Variants in SLCO3A1 observed in about 807,000 individuals in gnomAD.
The protein encoded by SLCO3A1 is PGE1 transporter.
A neutral mutation model predicts 63.1 loss-of-function variants in SLCO3A1; 27 were observed. The ratio of observed to expected loss-of-function variants is 0.43; its 90% CI spans 0.32 to 0.59. The LOEUF (loss-of-function observed/expected upper bound fraction) is 0.59, where lower values mean the gene tolerates loss of function less well. Among genes scored for constraint, SLCO3A1 ranks in the 20% least tolerant of loss-of-function variants. The pLI, the probability that SLCO3A1 is intolerant of heterozygous loss-of-function variation, is 0.09. For synonymous variants in SLCO3A1, 473 were observed against 409.9 expected, an observed-to-expected ratio of 1.15 and a Z score of -1.86; for missense variants, 773 against 945.8, an observed-to-expected ratio of 0.82 and a Z score of 2.40.
At chr15:92,113,628 A>G (rs1221494441) in intron 4 of SLCO3A1, among the ~76,000 whole-genome samples, 3 of 152,110 alleles carry the variant, frequency 2.0e-5, no homozygotes, top group Non-Finnish European at 4.4e-5. Context: ...CCCAGGGCAG[A>G]GGTTAGGAGG....
intron 2 of SLCO3A1, among the ~76,000 whole-genome samples, chr15:92,013,408 G>C (rs1008311431): frequency 1.3e-5 from 2 of 152,184 alleles, no homozygotes; most frequent in African/African-American, 4.8e-5. Context: ...TGCTGTGTTG[G>C]CTGCCATGGT....
In SLCO3A1 at chr15:91,900,039, T is replaced by G. The variant is rs1162517604; in HGVS notation, c.181-15954T>G. On this transcript the variant is annotated intron_variant, in intron 1 of 9. Transcript: ENST00000318445. This position sits in a 1 kb window ranked among gnomAD's most constrained non-coding sequence, Gnocchi z 4.3. ...GTGTTATATTTTTGGTTATATCACA[T>G]TTTGTTTCTCTGTTAACCATTCATG... Among the ~76,000 whole-genome samples, 1 of 152,220 alleles carries G rather than the reference T, an allele frequency of 6.6e-6. No homozygotes were observed. The highest frequency in any genetic ancestry group is 2.4e-5 in the African/African-American group (1 of 41,458).
In SLCO3A1 at chr15:91,886,697, C is replaced by G. The variant is rs193061328; in HGVS notation, c.181-29296C>G. ...CTTTGCTTTCAAGACTTCACACTGA[C>G]TACATCAATCTGAATAATCGAGCTC... is the stretch of plus-strand genomic sequence containing the variant. On this transcript the variant is annotated intron_variant, in intron 1 of 9. Transcript: ENST00000318445. The surrounding 1 kb of genome is among the most constrained non-coding windows in gnomAD (Gnocchi z 4.9). Among the ~76,000 whole-genome samples the G allele has an allele frequency of 4.6e-3, 706 of 152,288 alleles. 8 individuals carry two copies. The highest frequency in any genetic ancestry group is 0.016 in the African/African-American group (673 of 41,548).
intron 7 of SLCO3A1, among the ~76,000 whole-genome samples, chr15:92,134,583 A>G (rs530503338): frequency 6.6e-6 from 1 of 152,342 alleles, no homozygotes; most frequent in South Asian, 2.1e-4. Flanking sequence ...ATCTAAATAT[A>G]TGCATATCTT....
Position 91,854,237 on chromosome 15 carries a change from G to A in SLCO3A1, c.180+149G>A. 1 of 1,107,696 alleles carries A rather than the reference G, an allele frequency of 9.0e-7. No individual in the cohort carries two copies. The highest frequency in any genetic ancestry group is 1.1e-6 in the Non-Finnish European group (1 of 880,396). 68.6% of individuals were successfully genotyped at this position (1,107,696 alleles called of 1,614,324 possible). A position where few individuals can be genotyped will look rare whatever the true frequency, so the allele number is the denominator to read the frequency against. On this transcript the variant is annotated intron_variant, in intron 1 of 9. Coordinates refer to ENST00000318445, the MANE Select transcript of SLCO3A1 (RefSeq NM_013272.4). This position sits in a 1 kb window ranked among gnomAD's most constrained non-coding sequence, Gnocchi z 6.4. ...GAGGTTGGCGAGTGGTGCAGAGGCG[G>A]CCGCCGGGGGAGCTGCCGGCCGGGG... is the stretch of plus-strand genomic sequence containing the variant.
rs944379896 is a variant in SLCO3A1, at chr15:92,094,801, T to G, written c.647-80T>G. On this transcript the variant is annotated intron_variant, in intron 2 of 9. Transcript: ENST00000318445. ...GTCATCTCATCTCATCAATGTAAAATAATCTCCTTGACCTTTGGTGATTTT... is the reference window on the plus strand; with the variant it reads ...GTCATCTCATCTCATCAATGTAAAAGAATCTCCTTGACCTTTGGTGATTTT... The G allele has an allele frequency of 8.7e-5, 76 of 877,106 alleles. No individual in the cohort carries two copies. The Middle Eastern group carries it at 1.3e-3, about 15-fold the overall frequency. 54.3% of individuals were successfully genotyped at this position (877,106 alleles called of 1,614,324 possible).
At chr15:91,881,180 A>G (rs970731523) in intron 1 of SLCO3A1, among the ~76,000 whole-genome samples, 4 of 152,130 alleles carry the variant, frequency 2.6e-5, no homozygotes, top group African/African-American at 7.2e-5. Flanking sequence ...GGTCCCTCCA[A>G]CCCTTTTGGG....
intron 1 of SLCO3A1, among the ~76,000 whole-genome samples, chr15:91,914,929 C>T (rs1313148513): frequency 1.3e-5 from 2 of 152,094 alleles, no homozygotes; most frequent in South Asian, 2.1e-4. Context: ...TCATGCTGTT[C>T]CTTTTGCCTG....
At chr15:91,855,928 A>G (rs1327236331) in intron 1 of SLCO3A1, among the ~76,000 whole-genome samples, 1 of 151,900 alleles carries the variant, frequency 6.6e-6, no homozygotes, top group Non-Finnish European at 1.5e-5. Context: ...AGAACTTTTC[A>G]CCCCAGGAGT....
At chr15:92,117,980 T>A (rs1299353009) in intron 4 of SLCO3A1, among the ~76,000 whole-genome samples, 1 of 152,210 alleles carries the variant, frequency 6.6e-6, no homozygotes, top group African/African-American at 2.4e-5. Flanking sequence ...CATATAGGTG[T>A]TATAAAGGTA....
chr15:92,042,711 G>A (rs570452783), intron 2 of SLCO3A1, among the ~76,000 whole-genome samples: 1 of 152,122 alleles, frequency 6.6e-6, no homozygotes, highest in East Asian at 1.9e-4. Context: ...GAGGGAGGAG[G>A]GCAGCCTTTC....
At chr15:92,052,048 T>C (rs2046964517) in intron 2 of SLCO3A1, among the ~76,000 whole-genome samples, 1 of 152,094 alleles carries the variant, frequency 6.6e-6, no homozygotes, top group Non-Finnish European at 1.5e-5. Context: ...GCTCCAGGGT[T>C]CTCGAATTCA....
rs1213315985 is a variant in SLCO3A1, at chr15:91,880,153, C to CTGT, written c.180+26065_180+26066insTGT. ...TCCGTCCATCCATCCATCCATCCAT[C>CTGT]CATCCATCCATCCATCCATCTATCT... On this transcript the variant is annotated intron_variant, in intron 1 of 9. Transcript: ENST00000318445. Among the ~76,000 whole-genome samples the CTGT allele has an allele frequency of 8.7e-5, 13 of 149,310 alleles. No individual in the cohort carries two copies. The South Asian group carries it at 1.1e-3, about 12-fold the overall frequency.
At chr15:92,081,026 C>T (rs1342184081) in intron 2 of SLCO3A1, among the ~76,000 whole-genome samples, 1 of 147,068 alleles carries the variant, frequency 6.8e-6, no homozygotes, top group Middle Eastern at 3.4e-3. Flanking sequence ...CTACAATGTG[C>T]AATAATCACA....
chr15:92,110,667 T>C (rs778187634), intron 4 of SLCO3A1, among the ~76,000 whole-genome samples: 2 of 152,198 alleles, frequency 1.3e-5, no homozygotes, highest in Non-Finnish European at 2.9e-5. Flanking sequence ...TTTTCCTTTA[T>C]ATGTGTGAAT....
chr15:91,964,800 C>T (rs999886751), intron 2 of SLCO3A1, among the ~76,000 whole-genome samples: 2 of 151,568 alleles, frequency 1.3e-5, no homozygotes, highest in African/African-American at 4.9e-5. Flanking sequence ...CCTTGGATAC[C>T]TCCCTTTTGC....
At chr15:92,006,079 G>A (rs1419980563) in intron 2 of SLCO3A1, among the ~76,000 whole-genome samples, 1 of 152,094 alleles carries the variant, frequency 6.6e-6, no homozygotes, top group Admixed American at 6.6e-5. Context: ...TCATGCTTGG[G>A]CGTGCTGTTA....
intron 2 of SLCO3A1, among the ~76,000 whole-genome samples, chr15:92,045,416 G>A (rs2046849451): frequency 1.3e-5 from 2 of 151,814 alleles, no homozygotes; most frequent in Non-Finnish European, 2.9e-5. Context: ...AATGTGTATG[G>A]ATCCTTCAAA....
chr15:92,101,887 A>G (rs1051558995), intron 3 of SLCO3A1, among the ~76,000 whole-genome samples: 11 of 152,214 alleles, frequency 7.2e-5, no homozygotes, highest in Non-Finnish European at 1.2e-4. Context: ...AGCCAGCGTC[A>G]GCTTTCCCCA....
Sources: allele counts gnomAD v4.1 joint callset (sites outside exome capture counted in the v4.1 genomes callset), GRCh38; gene constraint gnomAD v4.1.1; non-coding constraint Gnocchi (gnomAD v3.1); transcripts MANE v1.5; gene names NCBI Gene and HGNC (gene_info 2026-07-23, HGNC 2026-07-21).